Variants in EPB41L3 observed in about 807,000 individuals in gnomAD.
EPB41L3 encodes the protein erythrocyte membrane protein band 4.1 like 3.
A neutral mutation model predicts 127.1 loss-of-function variants in EPB41L3; 57 were observed. The ratio of observed to expected loss-of-function variants is 0.45; its 90% CI spans 0.36 to 0.56. The LOEUF (loss-of-function observed/expected upper bound fraction) is 0.56, where lower values mean the gene tolerates loss of function less well. Among genes scored for constraint, EPB41L3 ranks in the 20% least tolerant of loss-of-function variants. The probability of loss-of-function intolerance (pLI) is 0.00; values close to 1 mark genes in which losing one functional copy is unlikely to be tolerated. For missense variants in EPB41L3, 1,273 were observed against 1,372.2 expected, an observed-to-expected ratio of 0.93 and a Z score of 1.14; for synonymous variants, 572 against 549.5, an observed-to-expected ratio of 1.04 and a Z score of -0.57.
intron 3 of EPB41L3, among the ~76,000 whole-genome samples, chr18:5,560,998 G>C (rs12605736): frequency 0.017 from 2,107 of 122,166 alleles, 17 homozygotes; most frequent in Middle Eastern, 0.03. Flanking sequence ...TTTATTTTGA[G>C]ATGGAGTCTC....
At chr18:5,476,093 ACT>A (rs1435387969) in intron 3 of EPB41L3, among the ~76,000 whole-genome samples, 1 of 151,898 alleles carries the variant, frequency 6.6e-6, no homozygotes, top group African/African-American at 2.4e-5. Flanking sequence ...CTTGAGAATC[ACT>A]CTGCTTGATT....
chr18:5,522,881 T>C (rs909816408), intron 1 of EPB41L3, among the ~76,000 whole-genome samples: 5 of 152,196 alleles, frequency 3.3e-5, no homozygotes, highest in African/African-American at 1.2e-4. Context: ...TCAAGAAATA[T>C]TTGATGAATA....
Position 5,416,010 on chromosome 18 carries a change from G to A in EPB41L3, c.1875C>T (p.Leu625=), listed in dbSNP as rs368126962. 11 of 1,614,000 alleles carry A rather than the reference G, an allele frequency of 6.8e-6. No individual in the cohort carries two copies. Among genetic ancestry groups the A allele is most frequent in the Non-Finnish European group, 9.3e-6 (11 of 1,180,004 alleles). ...NLLPQSLQHY[L]PIRSPSLVPC... Reference sequence around the variant, plus strand: ...GCACAAGGGACGGTGAGCGGATCGGGAGGTAATGCTGCAAGCTCTGGGGCA... The same window carrying A: ...GCACAAGGGACGGTGAGCGGATCGGAAGGTAATGCTGCAAGCTCTGGGGCA... The change falls in exon 13 of 23, where the codon CTC becomes CTT. Residue 625 remains leucine (L), a synonymous_variant. Coordinates refer to ENST00000341928, the MANE Select transcript of EPB41L3 (RefSeq NM_012307.5).
At chr18:5,582,106 T>A (rs2094399093) in intron 3 of EPB41L3, among the ~76,000 whole-genome samples, 1 of 152,186 alleles carries the variant, frequency 6.6e-6, no homozygotes, top group African/African-American at 2.4e-5. Context: ...CTAGAAACAT[T>A]TGTTTTATGG....
intron 3 of EPB41L3, chr18:5,610,078 C>T: frequency 2.0e-6 from 2 of 984,614 alleles, no homozygotes; most frequent in Non-Finnish European, 2.4e-6. Flanking sequence ...AACGATTCAT[C>T]TGACAGTTTT....
At chr18:5,448,259 T>C (rs1012338697) in intron 3 of EPB41L3, among the ~76,000 whole-genome samples, 2 of 152,212 alleles carry the variant, frequency 1.3e-5, no homozygotes, top group Admixed American at 6.5e-5. Flanking sequence ...ATGAGAAAGA[T>C]GCTGCCAACG....
chr18:5,401,341 T>C (rs1472819118), intron 16 of EPB41L3, among the ~76,000 whole-genome samples: 7 of 152,172 alleles, frequency 4.6e-5, no homozygotes, highest in Non-Finnish European at 1.0e-4. Flanking sequence ...ACACAGAGCA[T>C]ACAAGAACAA....
intron 9 of EPB41L3, among the ~76,000 whole-genome samples, chr18:5,427,010 T>C (rs964588711): frequency 1.3e-5 from 2 of 152,186 alleles, no homozygotes; most frequent in African/African-American, 4.8e-5. Context: ...TTCAATTTTT[T>C]TGTTATTTTT....
chr18:5,488,974 G>A (rs1232067949), intron 2 of EPB41L3, 27 bp downstream of exon 2: 6 of 1,559,754 alleles, frequency 3.8e-6, no homozygotes, highest in African/African-American at 2.8e-5. Flanking sequence ...CAAACACTGC[G>A]TCATTAGTTT....
At chr18:5,617,614 G>C (rs760335153) in intron 1 of EPB41L3, among the ~76,000 whole-genome samples, 1 of 152,166 alleles carries the variant, frequency 6.6e-6, no homozygotes, top group Non-Finnish European at 1.5e-5. Context: ...CACCGCGCCC[G>C]GCCCAAGTCA....
At position 5,519,374 on chromosome 18, in the gene EPB41L3, A is replaced by T. The variant is rs117932928; in HGVS notation, c.-12+24539T>A. Among the ~76,000 whole-genome samples, 4 of 152,270 alleles carry T rather than the reference A, an allele frequency of 2.6e-5. No homozygotes were observed. In the East Asian group the frequency reaches 7.7e-4, roughly 29 times the overall value. ...TGTCCCTCTACACATCTTGGACCTC[A>T]GTTACTCCCCAGTCTATCCGGATTG... On this transcript the variant is annotated intron_variant, in intron 1 of 22. Transcript: ENST00000341928.
intron 1 of EPB41L3, among the ~76,000 whole-genome samples, chr18:5,504,903 C>T (rs994945905): frequency 2.2e-4 from 33 of 152,072 alleles, no homozygotes; most frequent in Non-Finnish European, 2.9e-4. Context: ...TTCTAAGTCT[C>T]CAGTGCCCTT....
rs1001227602 is a variant in EPB41L3 at position 5,478,181 on chromosome 18, A to G, written c.381+60T>C. 4.7e-6 allele frequency: 7 copies of G among 1,483,512 alleles called. No individual in the cohort carries two copies. The Admixed American group carries it at 5.3e-5, about 11-fold the overall frequency. The allele number at this position is 1,483,512 out of a possible 1,614,324, so 91.9% of individuals were successfully genotyped here. On this transcript the variant is annotated intron_variant, in intron 3 of 22. Transcript: ENST00000341928. ...AATAAAGAGGCATCTTGTATATTTT[A>G]TACCAACATTCCCCAGCTCTCAATA...
chr18:5,528,328 C>A (rs143421043), intron 1 of EPB41L3, among the ~76,000 whole-genome samples: 1 of 152,036 alleles, frequency 6.6e-6, no homozygotes, highest in African/African-American at 2.4e-5. Context: ...CACACCACCA[C>A]GCCTGGCTAA....
At chr18:5,626,371 A>G (rs900666344) in intron 1 of EPB41L3, among the ~76,000 whole-genome samples, 3 of 152,200 alleles carry the variant, frequency 2.0e-5, no homozygotes, top group Non-Finnish European at 2.9e-5. Flanking sequence ...ATTACATTCC[A>G]GTTTTCTCTA....
chr18:5,544,029 G>A (rs2093829734), upstream of EPB41L3: 1 of 985,576 alleles, frequency 1.0e-6, no homozygotes, highest in Non-Finnish European at 1.2e-6. Flanking sequence ...GCCCAGGGCT[G>A]CTCGCCGCTG....
intron 3 of EPB41L3, among the ~76,000 whole-genome samples, chr18:5,469,771 G>C (rs1253827522): frequency 7.0e-6 from 1 of 143,514 alleles, no homozygotes; most frequent in Non-Finnish European, 1.5e-5. Context: ...GTTGTAGAAT[G>C]AATTTTTTTT....
At chr18:5,394,505 G>A in intron 22 of EPB41L3, 172 bp downstream of exon 22, 1 of 557,868 alleles carries the variant, frequency 1.8e-6, no homozygotes, top group Non-Finnish European at 3.2e-6. Context: ...AAGAATGGAA[G>A]CTCCAAATGT....
intron 2 of EPB41L3, 115 bp from the exon 3 acceptor site, chr18:5,478,553 G>C (rs1203548596): frequency 1.2e-6 from 1 of 837,892 alleles, no homozygotes; most frequent in African/African-American, 1.7e-5. Flanking sequence ...TATTGAATTA[G>C]GATATTAGGA....
Sources: gnomAD v4.1 joint callset for allele counts (sites outside exome capture counted in the v4.1 genomes callset) on GRCh38, gnomAD v4.1.1 for gene constraint, MANE v1.5 for transcripts, NCBI Gene and HGNC (gene_info 2026-07-23, HGNC 2026-07-21) for gene names.